Variants in GALNT13 observed in about 807,000 individuals in gnomAD.
GALNT13 encodes UDP-GalNAc:polypeptide N-acetylgalactosaminyltransferase 13.
GALNT13 carries 28 observed loss-of-function variants against 64.2 expected under a neutral mutation model. The observed-to-expected ratio is 0.44, with a 90% CI of 0.32 to 0.60. The LOEUF (loss-of-function observed/expected upper bound fraction) is 0.60, where lower values mean the gene tolerates loss of function less well. GALNT13 is among the 20% of genes least tolerant of loss of function. GALNT13 has a pLI of 0.05. For missense variants in GALNT13, 577 were observed against 669.8 expected (o/e 0.86, Z 1.53); for synonymous variants, 214 against 224.6 (o/e 0.95, Z 0.42).
the GALNT13 span, among the ~76,000 whole-genome samples, chr2:153,224,345 G>C: frequency 6.6e-6 from 1 of 152,004 alleles, no homozygotes; most frequent in Admixed American, 6.6e-5. Flanking sequence ...AGGGGGTGGG[G>C]AGGAGGCTGT....
the GALNT13 span, among the ~76,000 whole-genome samples, chr2:153,202,878 A>T: frequency 1.5e-3 from 228 of 152,350 alleles, no homozygotes; most frequent in African/African-American, 5.4e-3. Context: ...TTAATAATTC[A>T]GTATAACAAA....
intron 2 of GALNT13, among the ~76,000 whole-genome samples, chr2:153,927,039 A>G (rs1574132994): frequency 1.3e-5 from 2 of 152,036 alleles, no homozygotes; most frequent in East Asian, 3.9e-4. Flanking sequence ...GTGTCATAAT[A>G]TCTCTTAACT....
intron 9 of GALNT13, among the ~76,000 whole-genome samples, chr2:154,375,809 A>T (rs1442493167): frequency 2.0e-5 from 3 of 152,134 alleles, no homozygotes; most frequent in South Asian, 2.1e-4. Context: ...TATGCTTTTG[A>T]AGCAGCTTTA....
At chr2:154,059,785 G>A (rs916759755) in intron 3 of GALNT13, among the ~76,000 whole-genome samples, 3 of 151,994 alleles carry the variant, frequency 2.0e-5, no homozygotes, top group Admixed American at 1.3e-4. Flanking sequence ...TTATGTACCA[G>A]ACAAGATGCC....
At chr2:154,346,153 T>A (rs776353255) in intron 9 of GALNT13, among the ~76,000 whole-genome samples, 129 of 152,098 alleles carry the variant, frequency 8.5e-4, no homozygotes, top group East Asian at 9.7e-4. Context: ...TTTAATATTA[T>A]CTGTAAAAGG....
chr2:154,192,577 A>G (rs750833835), intron 4 of GALNT13, among the ~76,000 whole-genome samples: 2 of 152,192 alleles, frequency 1.3e-5, no homozygotes, highest in Non-Finnish European at 2.9e-5. Context: ...TGTGTGTGCA[A>G]ACAAACATGG....
the GALNT13 span, among the ~76,000 whole-genome samples, chr2:153,225,712 TA>T: frequency 2.6e-5 from 4 of 151,928 alleles, no homozygotes; most frequent in Non-Finnish European, 2.9e-5. Flanking sequence ...AATTTAAAAA[TA>T]AAAAAATTAA....
chr2:154,223,510 G>A (rs1440140666), intron 4 of GALNT13, among the ~76,000 whole-genome samples: 1 of 138,274 alleles, frequency 7.2e-6, no homozygotes, highest in Non-Finnish European at 1.5e-5. Flanking sequence ...AGAGTGCAAT[G>A]GCAGGATCTC....
chr2:153,360,657 G>A, the GALNT13 span, among the ~76,000 whole-genome samples: 1 of 152,074 alleles, frequency 6.6e-6, no homozygotes, highest in Non-Finnish European at 1.5e-5. Flanking sequence ...CTCACCAGGT[G>A]GGGCCTCCCT....
intron 3 of GALNT13, among the ~76,000 whole-genome samples, chr2:153,947,345 G>C (rs977027166): frequency 6.6e-6 from 1 of 151,526 alleles, no homozygotes; most frequent in African/African-American, 2.4e-5. Context: ...GTGTGTGTGC[G>C]TGTAATCATG....
chr2:154,294,571 A>G (rs979740573), intron 8 of GALNT13, among the ~76,000 whole-genome samples: 6 of 152,210 alleles, frequency 3.9e-5, no homozygotes, highest in Admixed American at 3.9e-4. Flanking sequence ...GATTCACAAA[A>G]GGAAATCATG....
Position 154,187,158 on chromosome 2 carries a change from T to A in GALNT13, c.311+46653T>A, listed in dbSNP as rs572082458. On this transcript the variant is annotated intron_variant, in intron 4 of 12. Coordinates refer to ENST00000392825, the MANE Select transcript of GALNT13 (RefSeq NM_052917.4). ...TTCTGGATTACCAGTTCATATTGCT[T>A]AATCAAGATCTGATAAAGCTCTTCA... Among the ~76,000 whole-genome samples, 21 of 152,220 alleles carry A rather than the reference T, an allele frequency of 1.4e-4. No homozygotes were observed. The East Asian group carries it at 3.7e-3, about 27-fold the overall frequency.
At position 154,259,131 on chromosome 2, in the gene GALNT13, CT is replaced by C; in HGVS notation, c.972del (p.Phe324LeufsTer78). 1 of 1,536,560 alleles carries C rather than the reference CT, an allele frequency of 6.5e-7. No individual in the cohort carries two copies. Among genetic ancestry groups the C allele is most frequent in the Non-Finnish European group, 9.0e-7 (1 of 1,112,074 alleles). On this transcript the variant is annotated frameshift_variant, in exon 8 of 13. Coordinates refer to ENST00000392825, the MANE Select transcript of GALNT13 (RefSeq NM_052917.4). LOFTEE classifies it high-confidence loss of function. ...DIWGGENLEM[S>X]FRIWQCGGSL... ...TGGGGTGGAGAGAATCTTGAAATGT[CT>C]TTTAGGGTAATTGCATTTTATTTTA...
At chr2:153,455,126 CTTTG>C in the GALNT13 span, among the ~76,000 whole-genome samples, 1 of 152,028 alleles carries the variant, frequency 6.6e-6, no homozygotes, top group African/African-American at 2.4e-5. Flanking sequence ...TGTTTCTTTT[CTTTG>C]TTTTAGGTGA....
chr2:154,284,000 A>G (rs1692113753), intron 8 of GALNT13, among the ~76,000 whole-genome samples: 2 of 152,314 alleles, frequency 1.3e-5, no homozygotes, highest in South Asian at 2.1e-4. Flanking sequence ...TTTGTAATTA[A>G]CACATAATAA....
At chr2:154,248,913 CACTTTATAT>C (rs1189013966) in intron 7 of GALNT13, among the ~76,000 whole-genome samples, 2 of 152,102 alleles carry the variant, frequency 1.3e-5, no homozygotes, top group African/African-American at 4.8e-5. Flanking sequence ...GTAACAAATC[CACTTTATAT>C]AATTATCTTT....
the GALNT13 span, among the ~76,000 whole-genome samples, chr2:153,147,468 G>T: frequency 1.3e-5 from 2 of 151,536 alleles, no homozygotes; most frequent in African/African-American, 4.8e-5. Context: ...GCAAACAGTA[G>T]TGAGGAGGAG....
the GALNT13 span, among the ~76,000 whole-genome samples, chr2:153,235,297 C>G: frequency 7.5e-4 from 114 of 152,228 alleles, no homozygotes; most frequent in African/African-American, 2.7e-3. Flanking sequence ...GAGAGTGAGT[C>G]CAAAGTAAAA....
intron 1 of GALNT13, among the ~76,000 whole-genome samples, chr2:153,877,685 A>G (rs1463577932): frequency 6.6e-6 from 1 of 152,170 alleles, no homozygotes; most frequent in Non-Finnish European, 1.5e-5. Context: ...TGAGATTTAT[A>G]TGACTATCAA....
Sources: allele counts gnomAD v4.1 joint callset (sites outside exome capture counted in the v4.1 genomes callset), GRCh38; gene constraint gnomAD v4.1.1; transcripts MANE v1.5; gene names NCBI Gene and HGNC (gene_info 2026-07-23, HGNC 2026-07-21).